IL1RAPL2: variants seen among roughly 807,000 people sequenced by gnomAD.
IL1RAPL2 encodes the protein X-linked interleukin-1 receptor accessory protein-like 2.
A neutral mutation model predicts 44.1 loss-of-function variants in IL1RAPL2; 3 were observed. The ratio of observed to expected loss-of-function variants is 0.07; its 90% CI spans 0.03 to 0.18. IL1RAPL2 has a LOEUF of 0.18. Among genes scored for constraint, IL1RAPL2 ranks in the 10% least tolerant of loss-of-function variants. The pLI is 1.00. For synonymous variants in IL1RAPL2, 181 were observed against 178.8 expected (o/e 1.01, Z -0.10); for missense variants, 391 against 496.4 (o/e 0.79, Z 2.02).
intron 2 of IL1RAPL2, among the ~76,000 whole-genome samples, chrX:105,144,747 A>G (rs750911549): frequency 9.0e-6 from 1 of 111,329 alleles, no homozygotes; most frequent in African/African-American, 3.3e-5. Context: ...CCCATCCCCA[A>G]TGCCTGCCAA....
intron 4 of IL1RAPL2, among the ~76,000 whole-genome samples, chrX:105,262,244 A>G (rs1354051877): frequency 9.0e-6 from 1 of 111,626 alleles, no homozygotes; most frequent in African/African-American, 3.3e-5. Flanking sequence ...TGAGGATAGT[A>G]TTGATGACTT....
intron 2 of IL1RAPL2, among the ~76,000 whole-genome samples, chrX:104,927,719 A>G (rs1269572793): frequency 8.9e-6 from 1 of 112,134 alleles, no homozygotes; most frequent in Non-Finnish European, 1.9e-5. Flanking sequence ...CTTCCTTTTT[A>G]GAGTGGCCTG....
intron 2 of IL1RAPL2, among the ~76,000 whole-genome samples, chrX:105,125,751 A>T (rs1455135581): frequency 1.8e-5 from 2 of 110,159 alleles, no homozygotes; most frequent in Admixed American, 9.7e-5. Flanking sequence ...CAGGATGTGA[A>T]CCCTGTGTAT....
intron 5 of IL1RAPL2, among the ~76,000 whole-genome samples, chrX:105,417,437 C>T (rs1412100251): frequency 2.7e-5 from 3 of 112,938 alleles, no homozygotes; most frequent in African/African-American, 9.6e-5. Context: ...CACACTGTTG[C>T]ACTTCAGCCT....
chrX:105,021,418 T>C (rs2031279929), intron 2 of IL1RAPL2, among the ~76,000 whole-genome samples: 1 of 110,745 alleles, frequency 9.0e-6, no homozygotes, highest in African/African-American at 3.3e-5. Context: ...TTAGGTATGC[T>C]GCTCGGAGTT....
chrX:105,110,521 A>G lies in IL1RAPL2; in HGVS notation c.83-84954A>G, dbSNP rs150240312. ...TGCATTTGGCAGGGCTGTGTGCAAG[A>G]CATTACTGGCTCAAATGAATGTAAA... On this transcript the variant is annotated intron_variant, in intron 2 of 10. Coordinates refer to ENST00000372582, the MANE Select transcript of IL1RAPL2 (RefSeq NM_017416.2). 1.6e-3 allele frequency among the ~76,000 whole-genome samples: 179 copies of G among 112,507 alleles called. 2 individuals are homozygous for G. The highest frequency in any genetic ancestry group is 5.4e-3 in the African/African-American group (167 of 31,004).
intron 6 of IL1RAPL2, among the ~76,000 whole-genome samples, chrX:105,701,107 C>T (rs745782411): frequency 1.1e-3 from 127 of 111,402 alleles, no homozygotes; most frequent in Non-Finnish European, 2.1e-3. Context: ...TGCTATTCCT[C>T]TTCCCCTGGG....
chrX:105,033,479 A>G (rs2031554771), intron 2 of IL1RAPL2, among the ~76,000 whole-genome samples: 1 of 111,239 alleles, frequency 9.0e-6, no homozygotes. Flanking sequence ...TCCTTCACTT[A>G]TGAAGCTTAG....
At chrX:105,239,100 C>G (rs2034146959) in intron 4 of IL1RAPL2, among the ~76,000 whole-genome samples, 1 of 111,484 alleles carries the variant, frequency 9.0e-6, no homozygotes, top group Non-Finnish European at 1.9e-5. Flanking sequence ...TTTAACTAAG[C>G]AGTCTCTTCA....
At chrX:105,158,117 G>A (rs1021418073) in intron 2 of IL1RAPL2, among the ~76,000 whole-genome samples, 12 of 111,450 alleles carry the variant, frequency 1.1e-4, no homozygotes, top group Admixed American at 7.6e-4. Context: ...TGAGGCGGGC[G>A]GATCACGAGG....
chrX:104,776,570 C>A (rs987991224), intron 2 of IL1RAPL2, among the ~76,000 whole-genome samples: 1 of 111,690 alleles, frequency 9.0e-6, no homozygotes, highest in South Asian at 3.7e-4. Context: ...ATCAGTGAAG[C>A]ACATGAAAGC....
intron 2 of IL1RAPL2, among the ~76,000 whole-genome samples, chrX:105,085,153 C>T (rs766855567): frequency 1.8e-5 from 2 of 111,842 alleles, no homozygotes; most frequent in South Asian, 7.4e-4. Flanking sequence ...TGAGAATATA[C>T]TAATACAGCA....
intron 2 of IL1RAPL2, among the ~76,000 whole-genome samples, chrX:104,902,583 A>G (rs1923851952): frequency 8.9e-6 from 1 of 112,198 alleles, no homozygotes; most frequent in African/African-American, 3.2e-5. Flanking sequence ...ATTACCTTTT[A>G]AAATTATTTC....
At chrX:105,449,746 A>AC (rs2036005289) in intron 5 of IL1RAPL2, among the ~76,000 whole-genome samples, 1 of 110,582 alleles carries the variant, frequency 9.0e-6, no homozygotes, top group African/African-American at 3.3e-5. Context: ...ATTCCGTCAA[A>AC]AAAAAAACAA....
chrX:105,552,158 C>T (rs1422151570), intron 6 of IL1RAPL2, among the ~76,000 whole-genome samples: 1 of 109,611 alleles, frequency 9.1e-6, no homozygotes, highest in East Asian at 2.9e-4. Flanking sequence ...ATTCCCTATA[C>T]TTAACTCTCT....
intron 3 of IL1RAPL2, chrX:105,219,724 GC>G: frequency 8.3e-7 from 1 of 1,207,008 alleles, no homozygotes. Context: ...TGGCCACCCT[GC>G]CCCCTGCTCC....
intron 5 of IL1RAPL2, among the ~76,000 whole-genome samples, chrX:105,443,217 A>G (rs953299902): frequency 7.1e-5 from 8 of 112,057 alleles, no homozygotes; most frequent in African/African-American, 2.6e-4. Context: ...ATTTTTAATT[A>G]TTGTGGGTAC....
chrX:104,892,764 T>C (rs908986134), intron 2 of IL1RAPL2, among the ~76,000 whole-genome samples: 1 of 111,830 alleles, frequency 8.9e-6, no homozygotes, highest in African/African-American at 3.3e-5. Context: ...CATTGATTTT[T>C]TGAAGGGTTT....
chrX:104,943,415 ACTTAT>A (rs1925252127), intron 2 of IL1RAPL2, among the ~76,000 whole-genome samples: 1 of 112,025 alleles, frequency 8.9e-6, no homozygotes, highest in Non-Finnish European at 1.9e-5. Flanking sequence ...CCCAAACTAA[ACTTAT>A]CTTGCTTCCA....
Sources: allele counts gnomAD v4.1 joint callset (sites outside exome capture counted in the v4.1 genomes callset), GRCh38; gene constraint gnomAD v4.1.1; transcripts MANE v1.5; gene names NCBI Gene and HGNC (gene_info 2026-07-23, HGNC 2026-07-21).